ATXN7L1: variants seen among roughly 807,000 people sequenced by gnomAD.
ATXN7L1 encodes ataxin-7-like protein 1.
A neutral mutation model predicts 70.8 loss-of-function variants in ATXN7L1; 15 were observed. The observed-to-expected ratio is 0.21, with a 90% confidence interval of 0.14 to 0.33. The LOEUF (loss-of-function observed/expected upper bound fraction) is 0.33, where lower values mean the gene tolerates loss of function less well. ATXN7L1 is among the 10% of genes least tolerant of loss of function. ATXN7L1 has a pLI of 1.00. For synonymous variants in ATXN7L1, 440 were observed against 445.1 expected, an observed-to-expected ratio of 0.99 and a Z score of 0.14; for missense variants, 975 against 1,097.1, an observed-to-expected ratio of 0.89 and a Z score of 1.57.
chr7:105,785,909 T>C (rs946535387), intron 3 of ATXN7L1, among the ~76,000 whole-genome samples: 19 of 152,236 alleles, frequency 1.2e-4, no homozygotes, highest in Non-Finnish European at 2.8e-4. Context: ...GAAATACATT[T>C]CTGCTGTTTA....
chr7:105,772,418 G>C (rs1309091254), intron 3 of ATXN7L1, among the ~76,000 whole-genome samples: 2 of 152,094 alleles, frequency 1.3e-5, no homozygotes, highest in East Asian at 1.9e-4. Flanking sequence ...CTTTACAAGA[G>C]AGACACCTAA....
Position 105,614,898 on chromosome 7 carries a change from C to T in ATXN7L1, c.1518-82G>A. Reference sequence around the variant, plus strand: ...AGGAGGCTCGATGACGTTTGAGGATCAGGGCTACAGAGGACACCCCGGCAG... The same window carrying T: ...AGGAGGCTCGATGACGTTTGAGGATTAGGGCTACAGAGGACACCCCGGCAG... On this transcript the variant is annotated intron_variant, in intron 9 of 11. Coordinates refer to ENST00000419735, the MANE Select transcript of ATXN7L1 (RefSeq NM_020725.2). This position sits in a 1 kb window ranked among gnomAD's most constrained non-coding sequence, Gnocchi z 4.3. The T allele has an allele frequency of 6.9e-7, 1 of 1,458,118 alleles. No homozygotes were observed. Among genetic ancestry groups the T allele is most frequent in the Non-Finnish European group, 9.2e-7 (1 of 1,092,418 alleles). The allele number at this position is 1,458,118 out of a possible 1,614,324, so 90.3% of individuals were successfully genotyped here.
intron 3 of ATXN7L1, among the ~76,000 whole-genome samples, chr7:105,749,887 G>A (rs762432981): frequency 7.2e-5 from 11 of 151,834 alleles, no homozygotes; most frequent in Non-Finnish European, 1.3e-4. Flanking sequence ...CAAACCCACC[G>A]TTGAGGATCA....
chr7:105,754,499 T>C (rs1799571226), intron 3 of ATXN7L1, among the ~76,000 whole-genome samples: 1 of 152,076 alleles, frequency 6.6e-6, no homozygotes. Flanking sequence ...GCAGCATTAG[T>C]AGTACAGTGG....
intron 2 of ATXN7L1, among the ~76,000 whole-genome samples, chr7:105,832,236 T>G (rs1811720385): frequency 6.6e-6 from 1 of 152,146 alleles, no homozygotes; most frequent in South Asian, 2.1e-4. Context: ...TGAAAAATTT[T>G]TTCAAAGTAT....
chr7:105,612,944 C>T (rs914844307), intron 10 of ATXN7L1, among the ~76,000 whole-genome samples: 4 of 152,222 alleles, frequency 2.6e-5, no homozygotes, highest in Admixed American at 6.5e-5. Context: ...TCTCTGGACA[C>T]ACTGCCCTGA....
chr7:105,629,852 C>T (rs1270619919), intron 7 of ATXN7L1, among the ~76,000 whole-genome samples: 1 of 151,330 alleles, frequency 6.6e-6, no homozygotes, highest in Non-Finnish European at 1.5e-5. Context: ...CAGTCTCACT[C>T]CTTCACCCAG....
intron 4 of ATXN7L1, among the ~76,000 whole-genome samples, chr7:105,648,815 T>C (rs973662171): frequency 4.0e-5 from 6 of 149,398 alleles, no homozygotes; most frequent in African/African-American, 1.5e-4. Flanking sequence ...GAATGACAGG[T>C]TGGACTTTTT....
chr7:105,735,403 G>T (rs1383758819), intron 3 of ATXN7L1, among the ~76,000 whole-genome samples: 1 of 152,096 alleles, frequency 6.6e-6, no homozygotes, highest in African/African-American at 2.4e-5. Context: ...TCTTTCTCTT[G>T]TATTATTATT....
chr7:105,682,174 G>A lies in ATXN7L1; in HGVS notation c.356-16886C>T, dbSNP rs144959835. On this transcript the variant is annotated intron_variant, in intron 3 of 11. Transcript: ENST00000419735. ...CAGGAGGCGGAGGTTGCAGTAAGCC[G>A]AGATCACTGTACTCCATCCAGCCTG... 1.2e-3 allele frequency among the ~76,000 whole-genome samples: 177 copies of A among 152,140 alleles called. 1 individual carries two copies. The highest frequency in any genetic ancestry group is 4.0e-3 in the African/African-American group (165 of 41,506).
intron 3 of ATXN7L1, among the ~76,000 whole-genome samples, chr7:105,669,361 G>C (rs1305721775): frequency 6.6e-6 from 1 of 152,142 alleles, no homozygotes; most frequent in East Asian, 1.9e-4. Flanking sequence ...ACCATGCCTG[G>C]TTTCATATTT....
intron 3 of ATXN7L1, among the ~76,000 whole-genome samples, chr7:105,717,731 C>T (rs1794736228): frequency 6.6e-6 from 1 of 152,152 alleles, no homozygotes; most frequent in Non-Finnish European, 1.5e-5. Flanking sequence ...ACAGTAATTT[C>T]TAAACACTTG....
chr7:105,665,355 A>G, intron 3 of ATXN7L1, 67 bp from the exon 4 acceptor site: 1 of 1,284,414 alleles, frequency 7.8e-7, no homozygotes, highest in Non-Finnish European at 1.1e-6. Flanking sequence ...ACACACTCAC[A>G]TACACTCAAA....
intron 9 of ATXN7L1, among the ~76,000 whole-genome samples, chr7:105,616,007 T>G (rs1041141347): frequency 2.0e-5 from 3 of 152,182 alleles, no homozygotes; most frequent in African/African-American, 4.8e-5. Context: ...TGTTCGTGAT[T>G]TTGCAGGAAA....
At chr7:105,690,334 C>T (rs1394436560) in intron 3 of ATXN7L1, among the ~76,000 whole-genome samples, 1 of 152,140 alleles carries the variant, frequency 6.6e-6, no homozygotes, top group African/African-American at 2.4e-5. Flanking sequence ...ATGAGAGAAA[C>T]ATGGAGGAGA....
rs1238365392 is a variant in ATXN7L1, at chr7:105,608,617, T to A, written c.2548-727A>T. Among the ~76,000 whole-genome samples the A allele has an allele frequency of 2.0e-5, 3 of 152,168 alleles. No homozygotes were observed. The East Asian group carries it at 5.8e-4, about 29-fold the overall frequency. ...ATGACAACCTCTACAAGAGGCCCCA[T>A]CAACAGAGGCTGACGGCCTGAGTAT... On this transcript the variant is annotated intron_variant, in intron 11 of 11. Transcript: ENST00000419735.
chr7:105,704,811 A>T (rs1010922079), intron 3 of ATXN7L1, among the ~76,000 whole-genome samples: 1 of 151,654 alleles, frequency 6.6e-6, no homozygotes, highest in African/African-American at 2.4e-5. Flanking sequence ...GCGTTTCACT[A>T]TGTTGGCCAG....
intron 3 of ATXN7L1, among the ~76,000 whole-genome samples, chr7:105,701,442 A>G (rs1792444263): frequency 6.6e-6 from 1 of 152,256 alleles, no homozygotes; most frequent in African/African-American, 2.4e-5. Flanking sequence ...AAAGTTTTAC[A>G]TGGAAATACT....
chr7:105,763,443 C>CT, intron 3 of ATXN7L1, among the ~76,000 whole-genome samples: 1 of 152,322 alleles, frequency 6.6e-6, no homozygotes, highest in African/African-American at 2.4e-5. Context: ...AGGAGAATGA[C>CT]TTTTTTGCAG....
Sources: gnomAD v4.1 joint callset for allele counts (sites outside exome capture counted in the v4.1 genomes callset) on GRCh38, gnomAD v4.1.1 for gene constraint, Gnocchi (gnomAD v3.1) non-coding constraint, MANE v1.5 for transcripts, NCBI Gene and HGNC (gene_info 2026-07-23, HGNC 2026-07-21) for gene names.